The following DPYD variants were observed in gnomAD, a reference collection of about 807,000 sequenced individuals.
The protein encoded by DPYD is dihydropyrimidine dehydrogenase.
A neutral mutation model predicts 116.2 loss-of-function variants in DPYD; 109 were observed. The ratio of observed to expected loss-of-function variants is 0.94; its 90% CI spans 0.80 to 1.10. The LOEUF (loss-of-function observed/expected upper bound fraction) is 1.10, where lower values mean the gene tolerates loss of function less well. DPYD is among the 50% of genes least tolerant of loss of function. The pLI is 0.00. For synonymous variants in DPYD, 440 were observed against 432.0 expected (o/e 1.02, Z -0.23); for missense variants, 1,302 against 1,254.5 (o/e 1.04, Z -0.57).
At position 97,916,176 on chromosome 1, in the gene DPYD, T is replaced by A. The variant is rs145926025; in HGVS notation, c.39+4708A>T. Among the ~76,000 whole-genome samples the A allele has an allele frequency of 1.6e-4, 24 of 152,322 alleles. No individual in the cohort carries two copies. The East Asian group carries it at 4.4e-3, about 28-fold the overall frequency. ...TAGTGTCCTTATCAATTCCTTACTG[T>A]TAATATTCATCTTTTTTTATTATTA... On this transcript the variant is annotated intron_variant, in intron 1 of 22. Coordinates refer to ENST00000370192, the MANE Select transcript of DPYD (RefSeq NM_000110.4).
chr1:97,753,773 T>C (rs1259407169), intron 3 of DPYD, among the ~76,000 whole-genome samples: 2 of 151,686 alleles, frequency 1.3e-5, no homozygotes, highest in Non-Finnish European at 2.9e-5. Context: ...TAAAAGCAAT[T>C]AGAAACAACA....
intron 20 of DPYD, among the ~76,000 whole-genome samples, chr1:97,134,970 T>TG (rs746875786): frequency 1.2e-4 from 10 of 80,614 alleles, no homozygotes; most frequent in Non-Finnish European, 2.4e-4. Context: ...TCTTTCCAGG[T>TG]GGGGTCTTAT....
chr1:97,216,686 T>G (rs1168462108), intron 19 of DPYD, among the ~76,000 whole-genome samples: 2 of 152,000 alleles, frequency 1.3e-5, no homozygotes, highest in Non-Finnish European at 1.5e-5. Flanking sequence ...TCCCACCTAC[T>G]CAGAAGACTG....
Position 97,079,267 on chromosome 1 carries a change from C to T in DPYD, c.2908-121G>A. ...CACACTATGAGACAACTACGTCCAG[C>T]TCTATGGTGCAACTATAGCAACAGT... On this transcript the variant is annotated intron_variant, in intron 22 of 22. Transcript: ENST00000370192. The T allele has an allele frequency of 3.1e-6, 3 of 981,576 alleles. No homozygotes were observed. The South Asian group carries it at 3.9e-5, about 13-fold the overall frequency. 60.8% of individuals were successfully genotyped at this position (981,576 alleles called of 1,614,324 possible).
chr1:97,917,704 G>T (rs544213442), intron 1 of DPYD, among the ~76,000 whole-genome samples: 1 of 152,296 alleles, frequency 6.6e-6, no homozygotes, highest in East Asian at 1.9e-4. Context: ...TAGCAGTACA[G>T]TAACAGATAG....
chr1:97,237,096 C>T (rs1381093239), intron 18 of DPYD, among the ~76,000 whole-genome samples: 2 of 151,900 alleles, frequency 1.3e-5, no homozygotes, highest in Non-Finnish European at 1.5e-5. Context: ...CAAAAATTAT[C>T]TGGACTTGGT....
intron 20 of DPYD, among the ~76,000 whole-genome samples, chr1:97,145,510 C>A (rs1255481226): frequency 2.0e-5 from 3 of 152,126 alleles, no homozygotes; most frequent in African/African-American, 7.2e-5. Context: ...AATCTGGAAG[C>A]CACGTGGGCC....
At chr1:97,618,548 T>C (rs568650674) in intron 8 of DPYD, among the ~76,000 whole-genome samples, 4 of 152,130 alleles carry the variant, frequency 2.6e-5, no homozygotes, top group African/African-American at 9.6e-5. Flanking sequence ...GTTAATTTTT[T>C]TGTATACTCT....
chr1:97,707,296 TA>T (rs751202797), intron 5 of DPYD, among the ~76,000 whole-genome samples: 53 of 151,886 alleles, frequency 3.5e-4, no homozygotes, highest in South Asian at 1.0e-3. Context: ...TATGAGCATA[TA>T]TTTTTTTTAT....
At chr1:97,202,487 A>G (rs546382152) in intron 19 of DPYD, among the ~76,000 whole-genome samples, 2 of 152,286 alleles carry the variant, frequency 1.3e-5, no homozygotes, top group Admixed American at 1.3e-4. Context: ...GAAGAGAATA[A>G]TATGTTTTCA....
chr1:97,770,378 A>G (rs959202370), intron 3 of DPYD, among the ~76,000 whole-genome samples: 2 of 152,200 alleles, frequency 1.3e-5, no homozygotes, highest in African/African-American at 4.8e-5. Flanking sequence ...ATGTTTTTCA[A>G]TAAATTAATT....
At chr1:97,594,829 T>C (rs1365860861) in intron 9 of DPYD, among the ~76,000 whole-genome samples, 1 of 152,108 alleles carries the variant, frequency 6.6e-6, no homozygotes, top group African/African-American at 2.4e-5. Context: ...TTTAGACATA[T>C]ATATTACAGT....
At chr1:97,772,184 C>T (rs1374824207) in intron 3 of DPYD, among the ~76,000 whole-genome samples, 1 of 152,132 alleles carries the variant, frequency 6.6e-6, no homozygotes, top group Non-Finnish European at 1.5e-5. Context: ...GAAAATAAGA[C>T]AAGACTCTCA....
intron 18 of DPYD, among the ~76,000 whole-genome samples, chr1:97,302,870 A>C (rs574054751): frequency 6.6e-6 from 1 of 152,148 alleles, no homozygotes; most frequent in Non-Finnish European, 1.5e-5. Flanking sequence ...TAGTATACTC[A>C]TGAGTTGGGA....
chr1:97,468,583 T>C (rs1008633210), intron 13 of DPYD, among the ~76,000 whole-genome samples: 1 of 152,224 alleles, frequency 6.6e-6, no homozygotes, highest in African/African-American at 2.4e-5. Flanking sequence ...AATCTGTTGT[T>C]TAGAATCTAA....
intron 20 of DPYD, among the ~76,000 whole-genome samples, chr1:97,173,004 TAGC>T (rs1656847438): frequency 6.6e-6 from 1 of 152,076 alleles, no homozygotes; most frequent in African/African-American, 2.4e-5. Flanking sequence ...GATAGCATAA[TAGC>T]AGTTATGTTG....
intron 2 of DPYD, among the ~76,000 whole-genome samples, chr1:97,830,449 C>G (rs530264931): frequency 5.2e-4 from 79 of 152,206 alleles, no homozygotes; most frequent in African/African-American, 1.9e-3. Context: ...CAGAGTGGCT[C>G]ATGCCTGTAA....
chr1:97,329,563 A>G (rs955706777), intron 16 of DPYD, among the ~76,000 whole-genome samples: 1 of 151,718 alleles, frequency 6.6e-6, no homozygotes, highest in African/African-American at 2.4e-5. Flanking sequence ...CCTGGCCAAC[A>G]TGGCAAAACC....
chr1:97,213,407 A>G (rs2101876034), intron 19 of DPYD, among the ~76,000 whole-genome samples: 1 of 152,222 alleles, frequency 6.6e-6, no homozygotes. Context: ...CTGGCTGTGG[A>G]TTATAGTTAG....
Sources: gnomAD v4.1 joint callset for allele counts (sites outside exome capture counted in the v4.1 genomes callset) on GRCh38, gnomAD v4.1.1 for gene constraint, MANE v1.5 for transcripts, NCBI Gene and HGNC (gene_info 2026-07-23, HGNC 2026-07-21) for gene names.